Variants in OXNAD1 observed in about 807,000 individuals in gnomAD.
OXNAD1 encodes oxidoreductase NAD-binding domain-containing protein 1.
In OXNAD1, 34 loss-of-function variants were observed where a neutral mutation model predicts 32.9. The ratio of observed to expected loss-of-function variants is 1.03; its 90% CI spans 0.79 to 1.38. OXNAD1 has a LOEUF of 1.38. Ranked by LOEUF, OXNAD1 falls within the 40% of genes most tolerant of loss-of-function variation. The pLI is 0.00. For synonymous variants in OXNAD1, 134 were observed against 135.2 expected (o/e 0.99, Z 0.06); for missense variants, 407 against 379.4 (o/e 1.07, Z -0.60).
chr3:16,332,643 C>G (rs1406330782), intron 9 of OXNAD1, among the ~76,000 whole-genome samples: 1 of 152,162 alleles, frequency 6.6e-6, no homozygotes, highest in Non-Finnish European at 1.5e-5. Context: ...GTGATTTATG[C>G]TTTGAAAACC....
At chr3:16,340,409 T>C (rs1234174691), downstream of OXNAD1, among the ~76,000 whole-genome samples, 1 of 152,212 alleles carries the variant, frequency 6.6e-6, no homozygotes, top group Non-Finnish European at 1.5e-5. Context: ...GCCAGACATA[T>C]GAATGAGGCC....
chr3:16,326,984 G>C lies in OXNAD1; in HGVS notation c.*31-10128G>C, dbSNP rs1209534063. 6.5e-6 allele frequency: 5 copies of C among 769,658 alleles called. No individual in the cohort carries two copies. In the African/African-American group the frequency reaches 7.0e-5, roughly 11 times the overall value. 47.7% of individuals were successfully genotyped at this position (769,658 alleles called of 1,614,324 possible). A position where few individuals can be genotyped will look rare whatever the true frequency, so the allele number is the denominator to read the frequency against. ...ATCCGCAAAACAGAAAAGAAGTGGC[G>C]GTGCCCGGCCACTCAGAGGCTCCTG... On this transcript the variant is annotated intron_variant, in intron 9 of 9. Coordinates refer to the OXNAD1 transcript ENST00000435829.
chr3:16,278,166 C>G (rs554028884), intron 4 of OXNAD1, among the ~76,000 whole-genome samples: 12 of 152,306 alleles, frequency 7.9e-5, no homozygotes, highest in African/African-American at 2.2e-4. Context: ...GGGCCAGATC[C>G]TGGGGTTACA....
Position 16,320,263 on chromosome 3 carries a change from G to A in OXNAD1, c.*30+16671G>A, listed in dbSNP as rs766006449. On this transcript the variant is annotated intron_variant, in intron 9 of 9. Transcript: ENST00000435829. The surrounding 1 kb of genome is among the most constrained non-coding windows in gnomAD (Gnocchi z 4.5). The stretch of plus-strand genomic sequence containing the variant: ...TATTTGCCTTGAAAATCACACGCAC[G>A]TACACAGAGGTTTCTTTCCAATGCT... Among the ~76,000 whole-genome samples the A allele has an allele frequency of 3.3e-5, 5 of 152,182 alleles. No homozygotes were observed. The highest frequency in any genetic ancestry group is 2.9e-5 in the Non-Finnish European group (2 of 68,040).
At position 16,302,622 on chromosome 3, in the gene OXNAD1, A is replaced by C; in HGVS notation, c.676-18A>C. 1 of 1,561,920 alleles carries C rather than the reference A, an allele frequency of 6.4e-7. No individual in the cohort carries two copies. Among genetic ancestry groups the C allele is most frequent in the East Asian group, 2.3e-5 (1 of 44,056 alleles). The stretch of plus-strand genomic sequence containing the variant: ...TTTTTTAAAATTGTAGTGTGACCAA[A>C]TATGTTTGACATTCCAGAAAAATAT... On this transcript the variant is annotated intron_variant, in intron 7 of 8. Transcript: ENST00000285083. The surrounding 1 kb of genome is among the most constrained non-coding windows in gnomAD (Gnocchi z 4.2).
Position 16,321,494 on chromosome 3 carries a change from G to A in OXNAD1, c.*31-15618G>A, listed in dbSNP as rs1204866401. Among the ~76,000 whole-genome samples the A allele has an allele frequency of 6.6e-6, 1 of 152,172 alleles. No homozygotes were observed. Among genetic ancestry groups the A allele is most frequent in the Non-Finnish European group, 1.5e-5 (1 of 68,022 alleles). On this transcript the variant is annotated intron_variant, in intron 9 of 9. Coordinates refer to the OXNAD1 transcript ENST00000435829. This position sits in a 1 kb window ranked among gnomAD's most constrained non-coding sequence, Gnocchi z 4.8. ...TGACTCTCGGTCACCAGGGGACACA[G>A]GCCTGTGGGAGTAGGACGCTGACCC...
intron 5 of OXNAD1, among the ~76,000 whole-genome samples, chr3:16,286,946 T>A (rs932901745): frequency 2.6e-5 from 4 of 152,186 alleles, no homozygotes; most frequent in Admixed American, 2.0e-4. Flanking sequence ...TTGTCTATCA[T>A]ATGTACCTTA....
In OXNAD1 at chr3:16,294,924, T is replaced by C; in HGVS notation, c.359T>C (p.Leu120Pro). The C allele has an allele frequency of 6.2e-7, 1 of 1,613,760 alleles. No individual in the cohort carries two copies. Among genetic ancestry groups the C allele is most frequent in the Admixed American group, 1.7e-5 (1 of 59,992 alleles). Reference sequence around the variant, plus strand: ...TCAATATGCTCCAGTCCCAGACTGCTAGAACAAGAGAGAGTGATAGAATTG... The same window carrying C: ...TCAATATGCTCCAGTCCCAGACTGCCAGAACAAGAGAGAGTGATAGAATTG... ...GFSICSSPRL[L>P]EQERVIELAV... Residue 120 changes from leucine to proline, a missense_variant, in exon 6 of 9, where the codon CTA becomes CCA. Transcript: ENST00000285083.
At position 16,303,792 on chromosome 3, in the gene OXNAD1, TAAC is replaced by T. The variant is rs888899282; in HGVS notation, c.*234_*236del. 2 of 369,924 alleles carry T rather than the reference TAAC, an allele frequency of 5.4e-6. No individual in the cohort carries two copies. The highest frequency in any genetic ancestry group is 4.1e-5 in the African/African-American group (2 of 48,194). 22.9% of individuals were successfully genotyped at this position (369,924 alleles called of 1,614,324 possible). ...TTTTACTATACTGATTTTCTGTTATTAACAACGATTTAATTGTCTCATGATGTA... is the reference window on the plus strand; with the variant it reads ...TTTTACTATACTGATTTTCTGTTATTAACGATTTAATTGTCTCATGATGTA... On this transcript the variant is annotated 3_prime_UTR_variant, in exon 9 of 9. Coordinates refer to ENST00000285083, the MANE Select transcript of OXNAD1 (RefSeq NM_138381.5). The surrounding 1 kb of genome is among the most constrained non-coding windows in gnomAD (Gnocchi z 4.8).
rs1338538328 is a variant in OXNAD1, at chr3:16,346,319, G to GAT, written c.*31-2853_*31-2852dup. 2 of 152,108 alleles carry GAT rather than the reference G, an allele frequency of 1.3e-5. No individual in the cohort carries two copies. The highest frequency in any genetic ancestry group is 3.8e-4 in the East Asian group (2 of 5,202). 9.4% of individuals were successfully genotyped at this position (152,108 alleles called of 1,614,324 possible). On this transcript the variant is annotated intron_variant, in intron 9 of 9. Coordinates refer to the OXNAD1 transcript ENST00000606098. The surrounding 1 kb of genome is among the most constrained non-coding windows in gnomAD (Gnocchi z 4.4). ...TATTTGTTGGATAAATTTTTAAAAA[G>GAT]ATATAACTTACTTGTATCACTAAAT... is the stretch of plus-strand genomic sequence containing the variant.
Position 16,298,386 on chromosome 3 carries a change from C to T in OXNAD1, c.433-3240C>T, listed in dbSNP as rs1314295303. ...CGCGACCTGGCCTGGTCCTGGTCCA[C>T]AGCTTCCTGCTTGGTTTCATGCCTC... On this transcript the variant is annotated intron_variant, in intron 6 of 8. Transcript: ENST00000285083. This position sits in a 1 kb window ranked among gnomAD's most constrained non-coding sequence, Gnocchi z 5.1. 6.6e-6 allele frequency among the ~76,000 whole-genome samples: 1 copy of T among 152,136 alleles called. No homozygotes were observed. The highest frequency in any genetic ancestry group is 6.5e-5 in the Admixed American group (1 of 15,272).
In OXNAD1 at chr3:16,269,181, C is replaced by A; in HGVS notation, c.-103C>A. The A allele has an allele frequency of 1.3e-6, 2 of 1,522,372 alleles. No individual in the cohort carries two copies. Among genetic ancestry groups the A allele is most frequent in the Non-Finnish European group, 1.8e-6 (2 of 1,142,528 alleles). 94.3% of individuals were successfully genotyped at this position (1,522,372 alleles called of 1,614,324 possible). ...AGCTGTCCATGTTCCAACTGCTGTACATCCAAAAGTCTCAGTGTAATAGCA... is the reference window on the plus strand; with the variant it reads ...AGCTGTCCATGTTCCAACTGCTGTAAATCCAAAAGTCTCAGTGTAATAGCA... On this transcript the variant is annotated 5_prime_UTR_variant, in exon 2 of 9. An upstream open reading frame in the 5' UTR gains an earlier in-frame stop. Coordinates refer to ENST00000285083, the MANE Select transcript of OXNAD1 (RefSeq NM_138381.5).
intron 9 of OXNAD1, among the ~76,000 whole-genome samples, chr3:16,347,176 CA>C (rs373875408): frequency 3.2e-4 from 49 of 152,336 alleles, no homozygotes; most frequent in African/African-American, 1.1e-3. Context: ...CAACCCATTG[CA>C]AAAATCCAGG....
chr3:16,282,898 G>T (rs1269983945), intron 4 of OXNAD1, among the ~76,000 whole-genome samples: 1 of 133,164 alleles, frequency 7.5e-6, no homozygotes, highest in Non-Finnish European at 1.5e-5. Context: ...GAGTAACTCA[G>T]TGAGGTTGGA....
chr3:16,339,608 A>G (rs927084933), downstream of OXNAD1: 2 of 152,176 alleles, frequency 1.3e-5, no homozygotes, highest in African/African-American at 4.8e-5. Context: ...GAAAAACCCA[A>G]AGTCCAGAAA....
chr3:16,295,301 A>G (rs1056729147), intron 6 of OXNAD1, among the ~76,000 whole-genome samples: 4 of 152,194 alleles, frequency 2.6e-5, no homozygotes, highest in Non-Finnish European at 5.9e-5. Flanking sequence ...TAAATGGTAA[A>G]TCTATAAATC....
chr3:16,275,518 AT>A (rs1300985637), intron 4 of OXNAD1: 1 of 152,464 alleles, frequency 6.6e-6, no homozygotes, highest in African/African-American at 2.4e-5. Context: ...AACGTAAGCT[AT>A]TATGGTGCCA....
chr3:16,343,097 A>C (rs2125294538), intron 9 of OXNAD1, among the ~76,000 whole-genome samples: 1 of 152,288 alleles, frequency 6.6e-6, no homozygotes, highest in African/African-American at 2.4e-5. Context: ...CTCCCACTTC[A>C]GCCTCCCAAA....
At position 16,329,134 on chromosome 3, in the gene OXNAD1, A is replaced by G. The variant is rs187464914; in HGVS notation, c.*31-7978A>G. Among the ~76,000 whole-genome samples the G allele has an allele frequency of 6.4e-3, 976 of 152,316 alleles. 36 individuals carry two copies. Among genetic ancestry groups the G allele is most frequent in the Admixed American group, 0.051 (783 of 15,310 alleles). On this transcript the variant is annotated intron_variant, in intron 9 of 9. Transcript: ENST00000435829. The surrounding 1 kb of genome is among the most constrained non-coding windows in gnomAD (Gnocchi z 4.5). ...ACTCAGGCAAAGGGCTTGAGGCTACAAGTTCAGTCTCCTGCTCTCTCCCCT... is the reference window on the plus strand; with the variant it reads ...ACTCAGGCAAAGGGCTTGAGGCTACGAGTTCAGTCTCCTGCTCTCTCCCCT...
Sources: allele counts gnomAD v4.1 joint callset (sites outside exome capture counted in the v4.1 genomes callset), GRCh38; gene constraint gnomAD v4.1.1; non-coding constraint Gnocchi (gnomAD v3.1); transcripts MANE v1.5; gene names NCBI Gene and HGNC (gene_info 2026-07-23, HGNC 2026-07-21).